SMCHD1: variants seen among roughly 807,000 people sequenced by gnomAD.
The protein encoded by SMCHD1 is structural maintenance of chromosomes flexible hinge domain-containing protein 1.
SMCHD1 carries 78 observed loss-of-function variants against 254.7 expected under a neutral mutation model. The observed-to-expected ratio is 0.31, with a 90% CI of 0.26 to 0.37. The LOEUF (loss-of-function observed/expected upper bound fraction) is 0.37, where lower values mean the gene tolerates loss of function less well. Among genes scored for constraint, SMCHD1 ranks in the 10% least tolerant of loss-of-function variants. SMCHD1 has a pLI of 1.00. For synonymous variants in SMCHD1, 766 were observed against 794.9 expected (o/e 0.96, Z 0.61); for missense variants, 1,840 against 2,408.1 (o/e 0.76, Z 4.94).
intron 26 of SMCHD1, among the ~76,000 whole-genome samples, chr18:2,738,944 C>T (rs998807799): frequency 6.6e-6 from 1 of 152,146 alleles, no homozygotes; most frequent in Non-Finnish European, 1.5e-5. Flanking sequence ...ATTGAAGGGA[C>T]AGAATTAAGT....
intron 21 of SMCHD1, 54 bp downstream of exon 21, chr18:2,725,049 G>A: frequency 9.4e-7 from 1 of 1,066,950 alleles, no homozygotes; most frequent in African/African-American, 1.6e-5. Flanking sequence ...TTTATCATAT[G>A]GTAAGAATGA....
At chr18:2,736,361 T>C (rs1414164386) in intron 25 of SMCHD1, among the ~76,000 whole-genome samples, 1 of 152,218 alleles carries the variant, frequency 6.6e-6, no homozygotes, top group Non-Finnish European at 1.5e-5. Flanking sequence ...AAAGAATTTA[T>C]GACCAAGTCC....
chr18:2,802,464 GA>G, intron 47 of SMCHD1, 63 bp from the exon 48 acceptor site: 2 of 1,282,684 alleles, frequency 1.6e-6, no homozygotes, highest in Non-Finnish European at 2.2e-6. Flanking sequence ...CAGGTGTGAT[GA>G]GGGAATTCAG....
At chr18:2,673,867 A>C in intron 4 of SMCHD1, 148 bp from the exon 5 acceptor site, 1 of 705,594 alleles carries the variant, frequency 1.4e-6, no homozygotes. Context: ...ACTGCTGCTG[A>C]AGTGCCTTTC....
intron 10 of SMCHD1, among the ~76,000 whole-genome samples, 167 bp from the exon 11 acceptor site, chr18:2,700,372 A>G (rs1173905177): frequency 6.6e-6 from 1 of 152,224 alleles, no homozygotes; most frequent in Non-Finnish European, 1.5e-5. Flanking sequence ...AATGACAGAC[A>G]GCATTCGTAA....
At chr18:2,795,595 TC>T (rs1164978504) in intron 45 of SMCHD1, among the ~76,000 whole-genome samples, 1 of 152,180 alleles carries the variant, frequency 6.6e-6, no homozygotes, top group Non-Finnish European at 1.5e-5. Flanking sequence ...ATTTGCCTTC[TC>T]CCTGCAAAAT....
At chr18:2,659,765 A>G (rs1266117551) in intron 1 of SMCHD1, among the ~76,000 whole-genome samples, 13 of 40,188 alleles carry the variant, frequency 3.2e-4, no homozygotes, top group East Asian at 2.4e-3. Flanking sequence ...GAGATTTTGA[A>G]AAAAAAAAAA....
chr18:2,757,418 T>G (rs922463327), intron 34 of SMCHD1, among the ~76,000 whole-genome samples: 1 of 152,084 alleles, frequency 6.6e-6, no homozygotes, highest in African/African-American at 2.4e-5. Flanking sequence ...CCTCACTGTG[T>G]TGCCCAGATT....
chr18:2,738,300 A>C (rs1299992213), intron 25 of SMCHD1, 97 bp from the exon 26 acceptor site: 12 of 1,140,986 alleles, frequency 1.1e-5, no homozygotes, highest in Non-Finnish European at 1.3e-5. Flanking sequence ...GGGGGTGAAG[A>C]AGACGGATTA....
intron 47 of SMCHD1, chr18:2,800,788 A>G (rs2076347219): frequency 6.6e-6 from 1 of 152,318 alleles, no homozygotes; most frequent in African/African-American, 2.4e-5. Context: ...CCAGCTAGCA[A>G]TGTAATCCTC....
intron 34 of SMCHD1, among the ~76,000 whole-genome samples, chr18:2,757,202 A>C (rs541984142): frequency 3.3e-5 from 5 of 152,200 alleles, no homozygotes; most frequent in East Asian, 3.9e-4. Context: ...TTTGGATCAA[A>C]AATTGTTTTT....
intron 19 of SMCHD1, among the ~76,000 whole-genome samples, chr18:2,719,865 G>A (rs2074887392): frequency 2.6e-5 from 4 of 151,998 alleles, no homozygotes; most frequent in Non-Finnish European, 4.4e-5. Context: ...AGTAGAGATG[G>A]GGTTTCTTCA....
chr18:2,734,459 TAGTG>T (rs1374927121), intron 25 of SMCHD1, among the ~76,000 whole-genome samples: 2 of 151,368 alleles, frequency 1.3e-5, no homozygotes, highest in Admixed American at 6.6e-5. Flanking sequence ...CAGTAAAAGA[TAGTG>T]AGTACTCCAT....
rs1239027678 is a variant in SMCHD1 at position 2,804,867 on chromosome 18, T to G, written c.*2315T>G. 6.6e-6 allele frequency: 1 copy of G among 152,226 alleles called. No individual in the cohort carries two copies. Among genetic ancestry groups the G allele is most frequent in the South Asian group, 2.1e-4 (1 of 4,838 alleles). 9.4% of individuals were successfully genotyped at this position (152,226 alleles called of 1,614,324 possible). A position where few individuals can be genotyped will look rare whatever the true frequency, so the allele number is the denominator to read the frequency against. Reference sequence around the variant, plus strand: ...AAAAAATTAATGCTACAGCCATTTATCCTGTGTTATGTGTTATATAATCTG... The same window carrying G: ...AAAAAATTAATGCTACAGCCATTTAGCCTGTGTTATGTGTTATATAATCTG... On this transcript the variant is annotated 3_prime_UTR_variant, in exon 48 of 48. Coordinates refer to ENST00000320876, the MANE Select transcript of SMCHD1 (RefSeq NM_015295.3).
chr18:2,679,478 T>C, intron 5 of SMCHD1, among the ~76,000 whole-genome samples: 2 of 4,680 alleles, frequency 4.3e-4, no homozygotes, highest in Admixed American at 3.9e-3. Flanking sequence ...AGACTCCATC[T>C]CCAAAAAAAA....
At chr18:2,777,213 C>T (rs1044549443) in intron 42 of SMCHD1, among the ~76,000 whole-genome samples, 2 of 152,164 alleles carry the variant, frequency 1.3e-5, no homozygotes, top group East Asian at 1.9e-4. Flanking sequence ...GTTCTAGAAA[C>T]GAGTTATCCT....
rs14409 is a variant in SMCHD1, at chr18:2,804,118, G to A, written c.*1566G>A. ...AATGATTGATTGATAGGTAAGAAAG[G>A]TTAAAGAGAAATGACTTTTTAGGAA... On this transcript the variant is annotated 3_prime_UTR_variant, in exon 48 of 48. Transcript: ENST00000320876. 6.6e-6 allele frequency: 1 copy of A among 152,118 alleles called. No homozygotes were observed. The highest frequency in any genetic ancestry group is 2.4e-5 in the African/African-American group (1 of 41,432). The allele number at this position is 152,118 out of a possible 1,614,324, so 9.4% of individuals were successfully genotyped here.
rs1480314575 is a variant in SMCHD1, at chr18:2,803,048, A to G, written c.*496A>G. 6.6e-6 allele frequency: 1 copy of G among 151,970 alleles called. No homozygotes were observed. Among genetic ancestry groups the G allele is most frequent in the African/African-American group, 2.4e-5 (1 of 41,406 alleles). 9.4% of individuals were successfully genotyped at this position (151,970 alleles called of 1,614,324 possible). On this transcript the variant is annotated 3_prime_UTR_variant, in exon 48 of 48. Coordinates refer to ENST00000320876, the MANE Select transcript of SMCHD1 (RefSeq NM_015295.3). ...AATTGTAAATATGTGAGGAAACTCA[A>G]TGCAGAATTCAGGATAAAAATTTTA...
At chr18:2,740,665 A>T in intron 27 of SMCHD1, 38 bp from the exon 28 acceptor site, 1 of 1,157,920 alleles carries the variant, frequency 8.6e-7, no homozygotes, top group Non-Finnish European at 1.3e-6. Context: ...ATCTTCTATT[A>T]AAAGATAATA....
Sources: allele counts gnomAD v4.1 joint callset (sites outside exome capture counted in the v4.1 genomes callset), GRCh38; gene constraint gnomAD v4.1.1; transcripts MANE v1.5; gene names NCBI Gene and HGNC (gene_info 2026-07-23, HGNC 2026-07-21).